Variants in CMTM4 observed in about 807,000 individuals in gnomAD.
The protein encoded by CMTM4 is CKLF like MARVEL transmembrane domain containing 4.
In CMTM4, 8 loss-of-function variants were observed where a neutral mutation model predicts 19.0. The observed-to-expected ratio is 0.42, with a 90% CI of 0.25 to 0.76. The LOEUF (loss-of-function observed/expected upper bound fraction) is 0.76, where lower values mean the gene tolerates loss of function less well. Among genes scored for constraint, CMTM4 ranks in the 30% least tolerant of loss-of-function variants. The probability of loss-of-function intolerance (pLI) is 0.27; values close to 1 mark genes in which losing one functional copy is unlikely to be tolerated. For synonymous variants in CMTM4, 106 were observed against 121.1 expected (o/e 0.88, Z 0.82); for missense variants, 228 against 290.2 (o/e 0.79, Z 1.56).
downstream of CMTM4, chr16:66,612,494 CA>C: frequency 9.6e-7 from 1 of 1,042,320 alleles, no homozygotes; most frequent in Non-Finnish European, 1.4e-6. The surrounding 1 kb of genome is among the most constrained non-coding windows in gnomAD (Gnocchi z 6.0). Flanking sequence ...GAGTCAGCTG[CA>C]GGAGGCCTGC....
intron 2 of CMTM4, 104 bp from the exon 3 acceptor site, chr16:66,623,606 C>A: frequency 1.5e-6 from 1 of 675,252 alleles, no homozygotes; most frequent in Non-Finnish European, 2.5e-6. Context: ...CCCAACCTCC[C>A]TGGTGGCTCC....
At chr16:66,612,101 AC>A (rs2015398367), downstream of CMTM4, among the ~76,000 whole-genome samples, 1 of 152,064 alleles carries the variant, frequency 6.6e-6, no homozygotes, top group Non-Finnish European at 1.5e-5. This position sits in a 1 kb window ranked among gnomAD's most constrained non-coding sequence, Gnocchi z 6.0. Context: ...CTGCACCCGC[AC>A]CCACACCCTG....
At chr16:66,624,183 C>G (rs947314321) in intron 2 of CMTM4, among the ~76,000 whole-genome samples, 2 of 152,208 alleles carry the variant, frequency 1.3e-5, no homozygotes, top group African/African-American at 4.8e-5. Context: ...GAATGTACCC[C>G]CTTCCTCCCA....
downstream of CMTM4, chr16:66,609,802 A>C: frequency 1.2e-6 from 2 of 1,613,832 alleles, no homozygotes; most frequent in Non-Finnish European, 1.7e-6. The surrounding 1 kb of genome is among the most constrained non-coding windows in gnomAD (Gnocchi z 4.4). Flanking sequence ...AGCAGATCTG[A>C]AATGGGCCGT....
At chr16:66,648,323 G>A (rs557336038) in intron 1 of CMTM4, among the ~76,000 whole-genome samples, 51 of 152,316 alleles carry the variant, frequency 3.3e-4, no homozygotes, top group African/African-American at 1.1e-3. Flanking sequence ...CAACTGCTAC[G>A]AGGATGGTGC....
At chr16:66,647,323 CAAAAAAAAAAA>C (rs58483961) in intron 1 of CMTM4, among the ~76,000 whole-genome samples, 1 of 62,496 alleles carries the variant, frequency 1.6e-5, no homozygotes, top group Non-Finnish European at 3.6e-5. Flanking sequence ...GACTCTGTCT[CAAAAAAAAAAA>C]AAAAAAAAAG....
At chr16:66,680,580 A>C (rs1035719439) in intron 1 of CMTM4, among the ~76,000 whole-genome samples, 31 of 151,420 alleles carry the variant, frequency 2.0e-4, no homozygotes, top group South Asian at 1.0e-3. Flanking sequence ...CGAGACCATC[A>C]TGGCTAACGC....
chr16:66,655,977 C>T (rs1019136599), intron 1 of CMTM4, among the ~76,000 whole-genome samples: 3 of 152,052 alleles, frequency 2.0e-5, no homozygotes, highest in Admixed American at 1.3e-4. Flanking sequence ...TGGTAGCCCA[C>T]GCCTATGGTC....
At chr16:66,629,057 C>A (rs1335717793) in intron 2 of CMTM4, among the ~76,000 whole-genome samples, 1 of 152,112 alleles carries the variant, frequency 6.6e-6, no homozygotes, top group Non-Finnish European at 1.5e-5. Flanking sequence ...ATTACTCACA[C>A]AACTTGAAAG....
chr16:66,600,521 G>T, the CMTM4 span, among the ~76,000 whole-genome samples: 1 of 152,030 alleles, frequency 6.6e-6, no homozygotes, highest in East Asian at 1.9e-4. Flanking sequence ...TCCTCCTAGG[G>T]AATTGTCCGT....
intron 1 of CMTM4, among the ~76,000 whole-genome samples, chr16:66,673,657 T>C (rs1278661024): frequency 6.6e-6 from 1 of 152,192 alleles, no homozygotes; most frequent in Non-Finnish European, 1.5e-5. Context: ...AGAGATTGTG[T>C]TTCCCACTGC....
At position 66,620,469 on chromosome 16, in the gene CMTM4, G is replaced by A. The variant is rs766999975; in HGVS notation, c.*1589C>T. On this transcript the variant is annotated 3_prime_UTR_variant, in exon 4 of 4. Coordinates refer to ENST00000394106, the MANE Select transcript of CMTM4 (RefSeq NM_181521.3). ...GGTGCAGGAAGCTAACCCCAACTCC[G>A]ACCCCCAGCCCAGCAGTGTTGCCTG... is the stretch of plus-strand genomic sequence containing the variant. 1.9e-5 allele frequency: 19 copies of A among 985,420 alleles called. No homozygotes were observed. The highest frequency in any genetic ancestry group is 1.1e-4 in the East Asian group (1 of 8,804). 61.0% of individuals were successfully genotyped at this position (985,420 alleles called of 1,614,324 possible). A position where few individuals can be genotyped will look rare whatever the true frequency, so the allele number is the denominator to read the frequency against.
the CMTM4 span, among the ~76,000 whole-genome samples, chr16:66,603,139 A>T: frequency 4.6e-5 from 7 of 152,178 alleles, no homozygotes; most frequent in African/African-American, 1.7e-4. Flanking sequence ...TGGGAGGCAG[A>T]TGCAGAGTTC....
chr16:66,628,569 C>T (rs769975224), intron 2 of CMTM4, among the ~76,000 whole-genome samples: 10 of 152,218 alleles, frequency 6.6e-5, no homozygotes, highest in Admixed American at 1.3e-4. Flanking sequence ...CCATACAACA[C>T]ATGTTTTTGT....
Position 66,625,671 on chromosome 16 carries a change from A to G in CMTM4, c.364-2169T>C, listed in dbSNP as rs183470050. Among the ~76,000 whole-genome samples, 251 of 152,220 alleles carry G rather than the reference A, an allele frequency of 1.6e-3. 1 individual carries two copies. The highest frequency in any genetic ancestry group is 5.7e-3 in the African/African-American group (238 of 41,548). On this transcript the variant is annotated intron_variant, in intron 2 of 3. Coordinates refer to ENST00000394106, the MANE Select transcript of CMTM4 (RefSeq NM_181521.3). Reference sequence around the variant, plus strand: ...CTAAGAAACCAGATTAAACCAGGGGAAAAAAACGCCAGCAACTGCTAACAA... The same window carrying G: ...CTAAGAAACCAGATTAAACCAGGGGGAAAAAACGCCAGCAACTGCTAACAA...
chr16:66,650,297 C>G (rs1461387726), intron 1 of CMTM4, among the ~76,000 whole-genome samples: 2 of 152,166 alleles, frequency 1.3e-5, no homozygotes. Flanking sequence ...AGCAGTGGTT[C>G]CTAAAGTTTT....
intron 1 of CMTM4, among the ~76,000 whole-genome samples, chr16:66,643,805 G>C (rs2016139973): frequency 6.6e-6 from 1 of 152,214 alleles, no homozygotes; most frequent in African/African-American, 2.4e-5. Flanking sequence ...CCAGGCTGGA[G>C]TGCAATGGCA....
In CMTM4 at chr16:66,643,846, C is replaced by T. The variant is rs1293811089; in HGVS notation, c.187-7265G>A. 7.2e-5 allele frequency among the ~76,000 whole-genome samples: 11 copies of T among 152,158 alleles called. 1 individual carries two copies. The South Asian group carries it at 1.5e-3, about 20-fold the overall frequency. The stretch of plus-strand genomic sequence containing the variant: ...TCGGCTCACCGCAACCTCTGCCTTC[C>T]GGGTTCAAGCGATTCTCCTGTCTCA... On this transcript the variant is annotated intron_variant, in intron 1 of 3. Coordinates refer to ENST00000394106, the MANE Select transcript of CMTM4 (RefSeq NM_181521.3).
chr16:66,659,693 A>T (rs971428376), intron 1 of CMTM4, among the ~76,000 whole-genome samples: 4 of 152,232 alleles, frequency 2.6e-5, no homozygotes, highest in African/African-American at 9.6e-5. Flanking sequence ...TTTAAAATAA[A>T]GTTCGTAACT....
Sources: gnomAD v4.1 joint callset for allele counts (sites outside exome capture counted in the v4.1 genomes callset) on GRCh38, gnomAD v4.1.1 for gene constraint, Gnocchi (gnomAD v3.1) non-coding constraint, MANE v1.5 for transcripts, NCBI Gene and HGNC (gene_info 2026-07-23, HGNC 2026-07-21) for gene names.